TOP3A: variants seen among roughly 807,000 people sequenced by gnomAD.
TOP3A encodes the protein DNA topoisomerase III alpha.
A neutral mutation model predicts 111.3 loss-of-function variants in TOP3A; 64 were observed. The ratio of observed to expected loss-of-function variants is 0.57; its 90% confidence interval spans 0.47 to 0.71. The LOEUF (loss-of-function observed/expected upper bound fraction) is 0.71, where lower values mean the gene tolerates loss of function less well. TOP3A is among the 30% of genes least tolerant of loss of function. The pLI is 0.00. For synonymous variants in TOP3A, 484 were observed against 485.1 expected (o/e 1.00, Z 0.03); for missense variants, 1,104 against 1,285.0 (o/e 0.86, Z 2.15).
intron 13 of TOP3A, among the ~76,000 whole-genome samples, chr17:18,288,993 T>A (rs7207131): frequency 0.041 from 6,226 of 152,142 alleles, 365 homozygotes; most frequent in African/African-American, 0.13. Flanking sequence ...TCCCTACCTA[T>A]AGGCATGCAC....
chr17:18,298,440 G>GC (rs1981001898), intron 9 of TOP3A, among the ~76,000 whole-genome samples: 3 of 148,664 alleles, frequency 2.0e-5, no homozygotes, highest in Admixed American at 1.3e-4. Flanking sequence ...GGGGGGGTCA[G>GC]CCCCCCGCCC....
chr17:18,309,079 A>G, intron 1 of TOP3A, 138 bp from the exon 2 acceptor site: 1 of 484,358 alleles, frequency 2.1e-6, no homozygotes, highest in Non-Finnish European at 3.6e-6. Context: ...GCTCCAAAGA[A>G]GATAAGAAAT....
chr17:18,290,403 G>C (rs1418455049), intron 13 of TOP3A, 154 bp downstream of exon 13: 3 of 892,280 alleles, frequency 3.4e-6, no homozygotes, highest in Non-Finnish European at 4.7e-6. Flanking sequence ...ACTTAGGTAA[G>C]TTCTTAACCT....
At chr17:18,312,084 G>A (rs1233491035) in intron 1 of TOP3A, 1 of 152,304 alleles carries the variant, frequency 6.6e-6, no homozygotes, top group African/African-American at 2.4e-5. Flanking sequence ...AATGGCTGCT[G>A]CGGCAGAGCC....
intron 9 of TOP3A, among the ~76,000 whole-genome samples, chr17:18,298,172 A>T (rs893086683): frequency 6.7e-6 from 1 of 149,704 alleles, no homozygotes; most frequent in African/African-American, 2.5e-5. Flanking sequence ...AGAAGTGAGG[A>T]GCCCCTCCGC....
chr17:18,293,008 G>A (rs1980575790), intron 10 of TOP3A, among the ~76,000 whole-genome samples, 156 bp from the exon 11 acceptor site: 1 of 152,216 alleles, frequency 6.6e-6, no homozygotes, highest in Non-Finnish European at 1.5e-5. Context: ...AAAGTTCTGA[G>A]ATGAGATGCA....
In TOP3A at chr17:18,271,718, T is replaced by G; in HGVS notation, c.*3084A>C. The G allele has an allele frequency of 2.4e-6, 1 of 411,668 alleles. No homozygotes were observed. Among genetic ancestry groups the G allele is most frequent in the East Asian group, 9.2e-5 (1 of 10,902 alleles). The allele number at this position is 411,668 out of a possible 1,614,324, so 25.5% of individuals were successfully genotyped here. On this transcript the variant is annotated 3_prime_UTR_variant, in exon 19 of 19. Coordinates refer to ENST00000321105, the MANE Select transcript of TOP3A (RefSeq NM_004618.5). ...ACAAAGGCATCTGATATCCAGAAAC[T>G]ATTAAGAACTCCTACAACTCAACAA...
Position 18,285,513 on chromosome 17 carries a change from A to G in TOP3A, c.1605T>C (p.Asp535=), listed in dbSNP as rs138815864. ...ALMEKHGIGT[D]ATHAEHIETI... is the part of the protein sequence containing the mutation. ...TCTCGATGTGCTCCGCATGAGTGGCATCCGTACCTGGAAGCCACTTGCTGG... is the reference window on the plus strand; with the variant it reads ...TCTCGATGTGCTCCGCATGAGTGGCGTCCGTACCTGGAAGCCACTTGCTGG... The change falls in exon 14 of 19, where the codon GAT becomes GAC. Residue 535 remains aspartate (D), a synonymous_variant. Coordinates refer to ENST00000321105, the MANE Select transcript of TOP3A (RefSeq NM_004618.5). 6.6e-4 allele frequency: 1,069 copies of G among 1,613,616 alleles called. 3 individuals carry two copies. Among genetic ancestry groups the G allele is most frequent in the Non-Finnish European group, 5.7e-4 (670 of 1,179,918 alleles).
intron 9 of TOP3A, among the ~76,000 whole-genome samples, chr17:18,295,994 C>T (rs929784844): frequency 6.7e-6 from 1 of 148,168 alleles, no homozygotes; most frequent in African/African-American, 2.5e-5. Context: ...GTCTCGATCT[C>T]CTACCTCGTG....
chr17:18,311,312 G>C (rs1036175365), intron 1 of TOP3A, among the ~76,000 whole-genome samples: 1 of 149,762 alleles, frequency 6.7e-6, no homozygotes, highest in Admixed American at 6.7e-5. Flanking sequence ...ATTTTTTTTT[G>C]AGATGGAGTC....
Position 18,314,844 on chromosome 17 carries a change from G to T in TOP3A, c.-66C>A. ...GCATCCTGGGGAAGCCAGAGATGAGGCTCAAATGGCGCCCACCGAAAGGGA... is the reference window on the plus strand; with the variant it reads ...GCATCCTGGGGAAGCCAGAGATGAGTCTCAAATGGCGCCCACCGAAAGGGA... On this transcript the variant is annotated 5_prime_UTR_variant, in exon 1 of 19. Transcript: ENST00000321105. The T allele has an allele frequency of 2.3e-6, 3 of 1,277,794 alleles. No individual in the cohort carries two copies. The South Asian group carries it at 5.2e-5, about 22-fold the overall frequency. 79.2% of individuals were successfully genotyped at this position (1,277,794 alleles called of 1,614,324 possible). A position where few individuals can be genotyped will look rare whatever the true frequency, so the allele number is the denominator to read the frequency against.
intron 10 of TOP3A, among the ~76,000 whole-genome samples, chr17:18,293,117 G>A (rs1482182427): frequency 6.6e-6 from 1 of 152,228 alleles, no homozygotes; most frequent in African/African-American, 2.4e-5. Flanking sequence ...CAGCCTCATA[G>A]CCTGGGGCTT....
At chr17:18,297,820 A>G (rs1459679740) in intron 9 of TOP3A, among the ~76,000 whole-genome samples, 2 of 152,084 alleles carry the variant, frequency 1.3e-5, no homozygotes, top group Non-Finnish European at 2.9e-5. Context: ...AAGTGCCGAG[A>G]TTGCAGCCTC....
At position 18,306,974 on chromosome 17, in the gene TOP3A, AG is replaced by A. The variant is rs1981617699; in HGVS notation, c.315-9del. On this transcript the variant is annotated splice_polypyrimidine_tract_variant and intron_variant, in intron 3 of 18. Coordinates refer to ENST00000321105, the MANE Select transcript of TOP3A (RefSeq NM_004618.5). ...AGAGGGTTGCAGCTCTGCCTAGAAAAGAAATGAAAACAGAGTCCCAACTCAG... is the reference window on the plus strand; with the variant it reads ...AGAGGGTTGCAGCTCTGCCTAGAAAAAAATGAAAACAGAGTCCCAACTCAG... The A allele has an allele frequency of 1.9e-6, 3 of 1,610,074 alleles. No individual in the cohort carries two copies. The highest frequency in any genetic ancestry group is 2.5e-6 in the Non-Finnish European group (3 of 1,177,236).
chr17:18,307,268 A>G (rs1433231321), intron 3 of TOP3A: 1 of 255,720 alleles, frequency 3.9e-6, no homozygotes, highest in Non-Finnish European at 7.6e-6. Flanking sequence ...TTTAATAAAA[A>G]TTCACAATGG....
rs759705124 is a variant in TOP3A, at chr17:18,285,468, G to C, written c.1650C>G (p.Tyr550Ter). The C allele has an allele frequency of 6.2e-7, 1 of 1,614,060 alleles. No homozygotes were observed. Among genetic ancestry groups the C allele is most frequent in the Non-Finnish European group, 8.5e-7 (1 of 1,180,024 alleles). The change falls in exon 14 of 19, where the codon TAC becomes TAG. Residue 550 changes from tyrosine (Y) to a stop codon, truncating the protein, a stop_gained. Coordinates refer to ENST00000321105, the MANE Select transcript of TOP3A (RefSeq NM_004618.5). LOFTEE classifies it high-confidence loss of function. ...ACCGCTTGTCTGGGGTGAGGCCCACGTACATCCGGGCTTTGATGGTCTCGA... is the reference window on the plus strand; with the variant it reads ...ACCGCTTGTCTGGGGTGAGGCCCACCTACATCCGGGCTTTGATGGTCTCGA... ...EHIETIKARM[Y>*]VGLTPDKRFL...
chr17:18,288,152 T>TATATATATATATATATATA (rs1567739496), intron 13 of TOP3A, among the ~76,000 whole-genome samples: 1 of 120,438 alleles, frequency 8.3e-6, no homozygotes, highest in African/African-American at 3.6e-5. Context: ...TATATATAAA[T>TATATATATATATATATATA]TTTTTTTTTT....
chr17:18,300,543 T>C (rs1001025234), intron 8 of TOP3A, among the ~76,000 whole-genome samples: 4 of 152,040 alleles, frequency 2.6e-5, no homozygotes, highest in Non-Finnish European at 5.9e-5. Flanking sequence ...TTACTTACTT[T>C]TATATTTTAT....
At chr17:18,314,547 G>T (rs530575016) in intron 1 of TOP3A, 52 bp downstream of exon 1, 12 of 1,549,564 alleles carry the variant, frequency 7.7e-6, no homozygotes, top group Admixed American at 5.7e-5. Flanking sequence ...ACGCTGTCCC[G>T]CTCGGTGGGC....
Sources: allele counts gnomAD v4.1 joint callset (sites outside exome capture counted in the v4.1 genomes callset), GRCh38; gene constraint gnomAD v4.1.1; transcripts MANE v1.5; gene names NCBI Gene and HGNC (gene_info 2026-07-23, HGNC 2026-07-21).